TMEM74: variants seen among roughly 807,000 people sequenced by gnomAD.
The protein encoded by TMEM74 is transmembrane protein 74.
TMEM74 carries 13 observed loss-of-function variants against 18.1 expected under a neutral mutation model. The observed-to-expected ratio is 0.72, with a 90% CI of 0.47 to 1.14. The LOEUF (loss-of-function observed/expected upper bound fraction) is 1.14. Among genes scored for constraint, TMEM74 ranks in the 50% most tolerant of loss-of-function variants. The pLI, the probability that TMEM74 is intolerant of heterozygous loss-of-function variation, is 0.00. For missense variants in TMEM74, 372 were observed against 375.9 expected, an observed-to-expected ratio of 0.99 and a Z score of 0.09; for synonymous variants, 159 against 146.6, an observed-to-expected ratio of 1.08 and a Z score of -0.61.
intron 2 of TMEM74, among the ~76,000 whole-genome samples, chr8:108,625,091 T>A (rs1812481305): frequency 6.6e-6 from 1 of 151,782 alleles, no homozygotes; most frequent in East Asian, 1.9e-4. Flanking sequence ...GGGTGAGAGG[T>A]GAGGAAAGAT....
chr8:108,671,698 T>C (rs1048347899), intron 1 of TMEM74, among the ~76,000 whole-genome samples: 1 of 152,016 alleles, frequency 6.6e-6, no homozygotes, highest in African/African-American at 2.4e-5. Flanking sequence ...AACAGGGAGT[T>C]GACAGCCCTC....
At chr8:108,705,603 T>C (rs553122581) in intron 1 of TMEM74, among the ~76,000 whole-genome samples, 1 of 152,216 alleles carries the variant, frequency 6.6e-6, no homozygotes, top group South Asian at 2.1e-4. Context: ...TGTGTCTCTT[T>C]CTGTAATGAA....
At chr8:108,678,356 C>CATT (rs1288656531) in intron 1 of TMEM74, among the ~76,000 whole-genome samples, 1 of 151,806 alleles carries the variant, frequency 6.6e-6, no homozygotes, top group Non-Finnish European at 1.5e-5. Context: ...CCTACGCTGC[C>CATT]ATTATTATTA....
At chr8:108,731,733 T>A (rs1294585246) in intron 1 of TMEM74, among the ~76,000 whole-genome samples, 1 of 151,922 alleles carries the variant, frequency 6.6e-6, no homozygotes, top group Non-Finnish European at 1.5e-5. Flanking sequence ...GTCTGATATT[T>A]AAAAAAAATG....
intron 1 of TMEM74, among the ~76,000 whole-genome samples, chr8:108,712,924 G>C (rs1813487882): frequency 6.6e-6 from 1 of 152,144 alleles, no homozygotes; most frequent in Non-Finnish European, 1.5e-5. Context: ...CAGGTGTAGA[G>C]ACATGAAGAG....
chr8:108,640,122 T>TTC (rs1812649305), intron 2 of TMEM74, among the ~76,000 whole-genome samples: 1 of 142,028 alleles, frequency 7.0e-6, no homozygotes, highest in African/African-American at 2.6e-5. Context: ...TCACTTTTTT[T>TTC]TTTTTTTTTT....
chr8:108,699,800 T>G (rs900396126), intron 1 of TMEM74, among the ~76,000 whole-genome samples: 16 of 152,176 alleles, frequency 1.1e-4, no homozygotes, highest in Admixed American at 7.9e-4. Context: ...ACTAGAACAT[T>G]GCTCACCTTA....
At chr8:108,679,294 C>T (rs1029172080) in intron 1 of TMEM74, among the ~76,000 whole-genome samples, 27 of 152,144 alleles carry the variant, frequency 1.8e-4, no homozygotes, top group Non-Finnish European at 3.5e-4. Context: ...AATGGTATTT[C>T]TAGTTCTAGA....
At chr8:108,618,597 G>A (rs1563733284) in intron 2 of TMEM74, among the ~76,000 whole-genome samples, 1 of 152,174 alleles carries the variant, frequency 6.6e-6, no homozygotes, top group Non-Finnish European at 1.5e-5. Context: ...GTTCTGTGCT[G>A]TTTGTTGTTG....
At chr8:108,774,935 A>C (rs1814211601), downstream of TMEM74, among the ~76,000 whole-genome samples, 1 of 151,860 alleles carries the variant, frequency 6.6e-6, no homozygotes, top group Non-Finnish European at 1.5e-5. Context: ...CTCAACTCCC[A>C]AGGAGGAAGA....
At chr8:108,700,833 A>G (rs1813328064) in intron 1 of TMEM74, among the ~76,000 whole-genome samples, 1 of 152,188 alleles carries the variant, frequency 6.6e-6, no homozygotes, top group Non-Finnish European at 1.5e-5. Context: ...GGCAGAGCCA[A>G]TCTCAAAATC....
intron 2 of TMEM74, among the ~76,000 whole-genome samples, chr8:108,634,292 C>T (rs972469271): frequency 1.8e-4 from 27 of 151,980 alleles, no homozygotes; most frequent in African/African-American, 3.6e-4. Flanking sequence ...ATGAAATAAG[C>T]TTAAAAGCAA....
intron 1 of TMEM74, among the ~76,000 whole-genome samples, chr8:108,715,318 G>T (rs1813512780): frequency 6.6e-6 from 1 of 151,828 alleles, no homozygotes; most frequent in African/African-American, 2.4e-5. Flanking sequence ...TAGGTACGAT[G>T]ACTCACTGCC....
intron 2 of TMEM74, among the ~76,000 whole-genome samples, chr8:108,612,678 T>C (rs570298524): frequency 1.3e-5 from 2 of 152,258 alleles, no homozygotes; most frequent in South Asian, 4.1e-4. Context: ...TAAAATAGGG[T>C]CAAGGAATGT....
intron 1 of TMEM74, among the ~76,000 whole-genome samples, chr8:108,748,351 C>T (rs1397469097): frequency 6.6e-6 from 1 of 152,134 alleles, no homozygotes; most frequent in Admixed American, 6.6e-5. Context: ...TTGTTGGCCA[C>T]ATATATGTCT....
rs771784475 is a variant in TMEM74, at chr8:108,785,007, G to A, written c.92C>T (p.Ala31Val). 2.5e-6 allele frequency: 4 copies of A among 1,614,036 alleles called. No individual in the cohort carries two copies. Among genetic ancestry groups the A allele is most frequent in the Admixed American group, 3.3e-5 (2 of 60,002 alleles). ...WSSRGLPGDQ[A>V]DTAATRAALC... is the part of the protein sequence containing the mutation. The stretch of plus-strand genomic sequence containing the variant: ...AGCAGCTCTTGTGGCTGCTGTATCT[G>A]CCTGGTCACCAGGCAGCCCTCTTGA... The change falls in exon 2 of 2, where the codon GCA becomes GTA. Residue 31 changes from alanine (A) to valine (V), a missense_variant. Coordinates refer to ENST00000297459, the MANE Select transcript of TMEM74 (RefSeq NM_153015.3).
At position 108,621,113 on chromosome 8, in the gene TMEM74, C is replaced by T. The variant is rs528551348; in HGVS notation, n.265-12287G>A. Among the ~76,000 whole-genome samples, 15 of 152,192 alleles carry T rather than the reference C, an allele frequency of 9.9e-5. 1 individual carries two copies. The South Asian group carries it at 3.1e-3, about 32-fold the overall frequency. On this transcript the variant is annotated intron_variant and non_coding_transcript_variant, in intron 2 of 3. Coordinates refer to the TMEM74 transcript ENST00000518838. ...TTGATTTGAGTTGCCTCAAAGTAGACCCCAAGACTAAGCCTTGGATACAGG... is the reference window on the plus strand; with the variant it reads ...TTGATTTGAGTTGCCTCAAAGTAGATCCCAAGACTAAGCCTTGGATACAGG...
At chr8:108,755,695 A>G (rs1296546262) in intron 1 of TMEM74, among the ~76,000 whole-genome samples, 1 of 152,190 alleles carries the variant, frequency 6.6e-6, no homozygotes, top group South Asian at 2.1e-4. Flanking sequence ...GAATTCTGAT[A>G]ATGATTGGTT....
intron 2 of TMEM74, among the ~76,000 whole-genome samples, chr8:108,633,082 T>A (rs1197838112): frequency 6.6e-6 from 1 of 152,004 alleles, no homozygotes; most frequent in Admixed American, 6.6e-5. Flanking sequence ...TTGCATGAAA[T>A]AAAAACCTCA....
Sources: allele counts gnomAD v4.1 joint callset (sites outside exome capture counted in the v4.1 genomes callset), GRCh38; gene constraint gnomAD v4.1.1; transcripts MANE v1.5; gene names NCBI Gene and HGNC (gene_info 2026-07-23, HGNC 2026-07-21).